The following HTR7 variants were observed in gnomAD, a reference collection of about 807,000 sequenced individuals.
The protein encoded by HTR7 is 5-HT-7.
In HTR7, 16 loss-of-function variants were observed where a neutral mutation model predicts 34.0. The ratio of observed to expected loss-of-function variants is 0.47; its 90% CI spans 0.32 to 0.71. HTR7 has a LOEUF of 0.71. Ranked by LOEUF, HTR7 falls within the 30% of genes least tolerant of loss-of-function variation. HTR7 has a pLI of 0.04. For missense variants in HTR7, 504 were observed against 625.5 expected, an observed-to-expected ratio of 0.81 and a Z score of 2.07; for synonymous variants, 265 against 260.2, an observed-to-expected ratio of 1.02 and a Z score of -0.18.
chr10:90,854,549 C>A (rs1846550591), intron 1 of HTR7, among the ~76,000 whole-genome samples: 1 of 142,510 alleles, frequency 7.0e-6, no homozygotes, highest in Non-Finnish European at 1.5e-5. Context: ...GGTACACATG[C>A]AGGACAGATC....
chr10:90,786,478 T>A (rs1564681471), intron 1 of HTR7, among the ~76,000 whole-genome samples: 2 of 152,202 alleles, frequency 1.3e-5, no homozygotes, highest in African/African-American at 2.4e-5. Context: ...AGAACCAACA[T>A]AAGAATAGGC....
At chr10:90,777,704 A>G (rs928458233) in intron 1 of HTR7, among the ~76,000 whole-genome samples, 5 of 152,214 alleles carry the variant, frequency 3.3e-5, no homozygotes, top group African/African-American at 1.2e-4. Flanking sequence ...CTGGGAGGCA[A>G]CTATCTCAAC....
intron 1 of HTR7, among the ~76,000 whole-genome samples, chr10:90,753,773 T>C (rs1844782852): frequency 6.6e-6 from 1 of 151,982 alleles, no homozygotes; most frequent in African/African-American, 2.4e-5. Flanking sequence ...AATGCAGCCA[T>C]TAAAAATGAT....
chr10:90,852,623 G>A (rs894016981), intron 1 of HTR7, among the ~76,000 whole-genome samples: 4 of 152,120 alleles, frequency 2.6e-5, no homozygotes, highest in African/African-American at 9.7e-5. Context: ...GAATGGATAA[G>A]CAAATTATGG....
intron 1 of HTR7, among the ~76,000 whole-genome samples, chr10:90,831,298 G>C (rs894199683): frequency 5.3e-5 from 8 of 152,104 alleles, no homozygotes; most frequent in African/African-American, 1.7e-4. Context: ...GCTGTGTTCG[G>C]AGTTTCTTCC....
chr10:90,768,089 T>C (rs1377663136), intron 1 of HTR7, among the ~76,000 whole-genome samples: 1 of 152,158 alleles, frequency 6.6e-6, no homozygotes, highest in Non-Finnish European at 1.5e-5. Context: ...TGAACATCCT[T>C]CCATTTCCCC....
chr10:90,743,510 A>G, intron 3 of HTR7, 83 bp downstream of exon 3: 1 of 1,108,458 alleles, frequency 9.0e-7, no homozygotes. Flanking sequence ...CCAGCTCAGC[A>G]CGGCTCTGCT....
chr10:90,781,515 G>A (rs1388766132), intron 1 of HTR7, among the ~76,000 whole-genome samples: 3 of 151,964 alleles, frequency 2.0e-5, no homozygotes, highest in Admixed American at 1.3e-4. Flanking sequence ...GGTAATACAT[G>A]GTCAACACAA....
intron 1 of HTR7, among the ~76,000 whole-genome samples, chr10:90,792,231 C>T (rs1047009378): frequency 2.6e-5 from 4 of 151,998 alleles, no homozygotes; most frequent in Non-Finnish European, 4.4e-5. Context: ...CAAAGTAGTG[C>T]GAGTTAAAAA....
intron 1 of HTR7, among the ~76,000 whole-genome samples, chr10:90,773,483 T>A (rs1845152309): frequency 1.3e-5 from 2 of 152,192 alleles, no homozygotes; most frequent in African/African-American, 2.4e-5. Flanking sequence ...TGATACTTTT[T>A]AAGTTATTTT....
rs566744726 is a variant in HTR7, at chr10:90,831,671, T to C, written c.539+25462A>G. ...CCATTTTACAGAGAGCCGATTGGTC[T>C]GTTTTACAGAGAGTTGATTGGTCCG... On this transcript the variant is annotated intron_variant, in intron 1 of 3. Coordinates refer to ENST00000336152, the MANE Select transcript of HTR7 (RefSeq NM_019859.4). Among the ~76,000 whole-genome samples the C allele has an allele frequency of 2.8e-4, 43 of 152,310 alleles. No homozygotes were observed. In the East Asian group the frequency reaches 7.7e-3, roughly 27 times the overall value.
intron 1 of HTR7, among the ~76,000 whole-genome samples, chr10:90,827,541 T>C (rs149318870): frequency 6.6e-6 from 1 of 152,062 alleles, no homozygotes; most frequent in Admixed American, 6.5e-5. Context: ...GGAAAAAGAC[T>C]TTCTAAGCAA....
At chr10:90,794,501 T>A (rs1186494627) in intron 1 of HTR7, among the ~76,000 whole-genome samples, 3 of 152,208 alleles carry the variant, frequency 2.0e-5, no homozygotes, top group African/African-American at 4.8e-5. Context: ...TCTGCTTTTT[T>A]AAATTTTTTT....
In HTR7 at chr10:90,748,576, TA is replaced by T. The variant is rs199998615; in HGVS notation, c.1295+262del. 3.7e-3 allele frequency among the ~76,000 whole-genome samples: 563 copies of T among 152,278 alleles called. 5 individuals are homozygous for T. The highest frequency in any genetic ancestry group is 0.012 in the African/African-American group (512 of 41,566). On this transcript the variant is annotated intron_variant, in intron 2 of 3. Coordinates refer to ENST00000336152, the MANE Select transcript of HTR7 (RefSeq NM_019859.4). Reference sequence around the variant, plus strand: ...TCATTTATGGAGAAAGAAGGGAAAATATCACCTGCCTTGTTGTCAATCACAT... The same window carrying T: ...TCATTTATGGAGAAAGAAGGGAAAATTCACCTGCCTTGTTGTCAATCACAT...
chr10:90,759,917 CAT>C (rs1233728560), intron 1 of HTR7, among the ~76,000 whole-genome samples: 1 of 152,144 alleles, frequency 6.6e-6, no homozygotes, highest in East Asian at 1.9e-4. Context: ...AAAATTGTAA[CAT>C]ATAGTTTATA....
chr10:90,794,883 A>G (rs1165881459), intron 1 of HTR7, among the ~76,000 whole-genome samples: 1 of 152,228 alleles, frequency 6.6e-6, no homozygotes, highest in Admixed American at 6.5e-5. Flanking sequence ...CAAACACGTG[A>G]GTAAGGCATT....
chr10:90,791,616 C>G (rs544027116), intron 1 of HTR7, among the ~76,000 whole-genome samples: 1 of 151,992 alleles, frequency 6.6e-6, no homozygotes, highest in African/African-American at 2.4e-5. Context: ...AATGTCATAG[C>G]CCCCAAAATT....
At chr10:90,839,775 C>T (rs1263894803) in intron 1 of HTR7, among the ~76,000 whole-genome samples, 2 of 151,992 alleles carry the variant, frequency 1.3e-5, no homozygotes, top group Non-Finnish European at 2.9e-5. Flanking sequence ...CCAGAGAATA[C>T]CAGGGTTTTT....
chr10:90,836,594 T>C (rs928206384), intron 1 of HTR7, among the ~76,000 whole-genome samples: 8 of 152,150 alleles, frequency 5.3e-5, no homozygotes, highest in African/African-American at 1.9e-4. Flanking sequence ...CACTGTAGCC[T>C]CGACCTCTGG....
Sources: gnomAD v4.1 joint callset for allele counts (sites outside exome capture counted in the v4.1 genomes callset) on GRCh38, gnomAD v4.1.1 for gene constraint, MANE v1.5 for transcripts, NCBI Gene and HGNC (gene_info 2026-07-23, HGNC 2026-07-21) for gene names.